UBR3: variants seen among roughly 807,000 people sequenced by gnomAD.
UBR3 encodes the protein E3 ubiquitin-protein ligase UBR3.
In UBR3, 85 loss-of-function variants were observed where a neutral mutation model predicts 243.2. The ratio of observed to expected loss-of-function variants is 0.35; its 90% CI spans 0.29 to 0.42. UBR3 has a LOEUF of 0.42. Ranked by LOEUF, UBR3 falls within the 10% of genes least tolerant of loss-of-function variation. The probability of loss-of-function intolerance (pLI) is 1.00; values close to 1 mark genes in which losing one functional copy is unlikely to be tolerated. For synonymous variants in UBR3, 748 were observed against 799.8 expected (o/e 0.94, Z 1.09); for missense variants, 1,686 against 2,300.8 (o/e 0.73, Z 5.47).
At chr2:169,879,062 T>A (rs2083722820) in intron 5 of UBR3, among the ~76,000 whole-genome samples, 2 of 151,974 alleles carry the variant, frequency 1.3e-5, no homozygotes, top group South Asian at 2.1e-4. Flanking sequence ...AAAAAGACCA[T>A]CAATTTGAAA....
chr2:169,919,330 T>C (rs1444841231), intron 11 of UBR3, among the ~76,000 whole-genome samples: 2 of 152,106 alleles, frequency 1.3e-5, no homozygotes, highest in African/African-American at 2.4e-5. Context: ...TAGAGGGTAA[T>C]AGGAGATATG....
At chr2:170,030,889 C>G (rs546932014) in intron 31 of UBR3, among the ~76,000 whole-genome samples, 18 of 152,214 alleles carry the variant, frequency 1.2e-4, no homozygotes, top group African/African-American at 3.1e-4. Flanking sequence ...TCATTCCCAT[C>G]CATTTGCATT....
chr2:169,965,544 C>A (rs1045040549), intron 24 of UBR3, among the ~76,000 whole-genome samples: 5 of 152,030 alleles, frequency 3.3e-5, no homozygotes, highest in African/African-American at 9.7e-5. Flanking sequence ...AGAACAATTA[C>A]AACAGTATGC....
intron 1 of UBR3, among the ~76,000 whole-genome samples, chr2:169,831,445 C>T (rs777228079): frequency 1.1e-4 from 17 of 151,880 alleles, no homozygotes; most frequent in Non-Finnish European, 1.9e-4. Context: ...CCACCACACC[C>T]GGCCGGATAC....
chr2:170,061,410 C>G lies in UBR3; in HGVS notation c.4986C>G (p.His1662Gln), dbSNP rs779031917. The G allele has an allele frequency of 6.2e-7, 1 of 1,614,030 alleles. No homozygotes were observed. Among genetic ancestry groups the G allele is most frequent in the Admixed American group, 1.7e-5 (1 of 60,004 alleles). The change falls in exon 35 of 39, where the codon CAC becomes CAG. Residue 1662 changes from histidine (H) to glutamine (Q), a missense_variant. Transcript: ENST00000272793. ...PFLRITSLLQ[H>Q]HLFGEDLPSC... ...TCAGAATCACCAGCCTTCTTCAGCA[C>G]CACCTTTTTGGGGAAGATTTACCTA...
intron 33 of UBR3, among the ~76,000 whole-genome samples, chr2:170,055,910 C>T (rs1036601490): frequency 2.6e-5 from 4 of 151,828 alleles, no homozygotes; most frequent in South Asian, 4.2e-4. Context: ...CTATTTTATT[C>T]GCCACTTTTT....
At chr2:169,941,728 T>C (rs2086597539) in intron 19 of UBR3, among the ~76,000 whole-genome samples, 2 of 152,344 alleles carry the variant, frequency 1.3e-5, no homozygotes, top group South Asian at 4.1e-4. Flanking sequence ...TTTGTTATTA[T>C]CCATATTTTC....
At chr2:169,995,561 C>A (rs760741313) in intron 26 of UBR3, among the ~76,000 whole-genome samples, 3 of 152,104 alleles carry the variant, frequency 2.0e-5, no homozygotes, top group Non-Finnish European at 2.9e-5. Flanking sequence ...TTTCCAAGAA[C>A]CTACTGATAA....
At position 170,013,438 on chromosome 2, in the gene UBR3, C is replaced by T. The variant is rs1227876321; in HGVS notation, c.4368-1843C>T. Among the ~76,000 whole-genome samples the T allele has an allele frequency of 2.0e-5, 3 of 151,510 alleles. No homozygotes were observed. In the East Asian group the frequency reaches 5.8e-4, roughly 29 times the overall value. ...GGCAACACAGCAAGACTTCATCTCT[C>T]AAAAAAAATTTTTAAGAAATGTAAA... On this transcript the variant is annotated intron_variant, in intron 29 of 38. Transcript: ENST00000272793.
At chr2:169,944,948 G>A (rs1423618143) in intron 20 of UBR3, among the ~76,000 whole-genome samples, 2 of 152,120 alleles carry the variant, frequency 1.3e-5, no homozygotes, top group Non-Finnish European at 2.9e-5. Context: ...GGATCAGAAA[G>A]GATGACTTCT....
At chr2:170,064,874 G>A (rs1473187828) in intron 35 of UBR3, among the ~76,000 whole-genome samples, 4 of 133,646 alleles carry the variant, frequency 3.0e-5, no homozygotes, top group East Asian at 2.2e-4. Flanking sequence ...ACAGAGACTC[G>A]CTTTGTCGCC....
chr2:169,964,101 T>G (rs1221028872), intron 24 of UBR3, among the ~76,000 whole-genome samples: 1 of 152,166 alleles, frequency 6.6e-6, no homozygotes, highest in Non-Finnish European at 1.5e-5. Context: ...ATGAAATTAT[T>G]GAATAAAACT....
intron 23 of UBR3, among the ~76,000 whole-genome samples, chr2:169,953,322 G>A (rs2087123849): frequency 6.6e-6 from 1 of 152,112 alleles, no homozygotes; most frequent in African/African-American, 2.4e-5. Context: ...TTTCGTTTTG[G>A]ATTTTCATAA....
Position 169,872,364 on chromosome 2 carries a change from A to T in UBR3, c.674A>T (p.Tyr225Phe). 6.8e-7 allele frequency: 1 copy of T among 1,471,658 alleles called. No homozygotes were observed. Among genetic ancestry groups the T allele is most frequent in the Non-Finnish European group, 9.2e-7 (1 of 1,089,532 alleles). The allele number at this position is 1,471,658 out of a possible 1,614,324, so 91.2% of individuals were successfully genotyped here. The change falls in exon 2 of 39, where the codon TAT (tyrosine) becomes TTT (phenylalanine). Residue 225 changes from tyrosine to phenylalanine, a missense_variant. By Grantham distance (22) the Tyr-to-Phe change is conservative (BLOSUM62 3). Around this residue, in one of 8 missense-constraint regions of UBR3, gnomAD observed 200 missense variants for 231.6 expected, o/e 0.86. Coordinates refer to ENST00000272793, the MANE Select transcript of UBR3 (RefSeq NM_172070.4). ...FCLIQYLREG[Y>F]NEPAADGPSE... ...CTTATTCAGTACTTAAGAGAAGGCT[A>T]TAATGAACCAGGTATGTTTTAATCT...
At chr2:169,836,575 A>G (rs1041938947) in intron 1 of UBR3, among the ~76,000 whole-genome samples, 1 of 151,962 alleles carries the variant, frequency 6.6e-6, no homozygotes, top group Non-Finnish European at 1.5e-5. Context: ...AGGTGCAGCA[A>G]ACCACCACAG....
intron 1 of UBR3, among the ~76,000 whole-genome samples, chr2:169,869,186 T>TTA: frequency 6.6e-6 from 1 of 150,958 alleles, no homozygotes; most frequent in East Asian, 1.9e-4. Flanking sequence ...TTTTTTTGTT[T>TTA]AAACTTCTGG....
intron 21 of UBR3, 132 bp downstream of exon 21, chr2:169,946,524 A>G (rs1481754767): frequency 7.3e-6 from 3 of 409,494 alleles, no homozygotes; most frequent in Non-Finnish European, 8.9e-6. Context: ...TTGTGAATTC[A>G]TCTTGAGGTG....
chr2:170,045,886 CAATT>C (rs966897031), intron 32 of UBR3, among the ~76,000 whole-genome samples: 29 of 151,340 alleles, frequency 1.9e-4, no homozygotes, highest in African/African-American at 4.4e-4. Context: ...ATCGTGAACA[CAATT>C]AAAAATGAAC....
chr2:170,009,215 G>A (rs565372452), intron 29 of UBR3, among the ~76,000 whole-genome samples: 57 of 152,122 alleles, frequency 3.7e-4, no homozygotes, highest in Non-Finnish European at 5.7e-4. Context: ...TATGTACCTC[G>A]AACATGTGAG....
Sources: allele counts gnomAD v4.1 joint callset (sites outside exome capture counted in the v4.1 genomes callset), GRCh38; gene constraint gnomAD v4.1.1; regional missense constraint gnomAD v4.1.1; transcripts MANE v1.5; gene names NCBI Gene and HGNC (gene_info 2026-07-23, HGNC 2026-07-21).